Variants in RCAN3 observed in about 807,000 individuals in gnomAD.
RCAN3 encodes the protein regulator of calcineurin 3, also known as calcipressin-3.
RCAN3 carries 19 observed loss-of-function variants against 21.9 expected under a neutral mutation model. The ratio of observed to expected loss-of-function variants is 0.87; its 90% CI spans 0.61 to 1.27. RCAN3 has a LOEUF of 1.27. Among genes scored for constraint, RCAN3 ranks in the 50% most tolerant of loss-of-function variants. RCAN3 has a pLI of 0.00. For synonymous variants in RCAN3, 114 were observed against 112.3 expected, an observed-to-expected ratio of 1.01 and a Z score of -0.09; for missense variants, 240 against 300.1, an observed-to-expected ratio of 0.80 and a Z score of 1.48.
intron 2 of RCAN3, among the ~76,000 whole-genome samples, chr1:24,527,099 T>C (rs972616004): frequency 1.3e-5 from 2 of 152,196 alleles, no homozygotes; most frequent in Non-Finnish European, 2.9e-5. Context: ...TGGCGTCATT[T>C]TGGCTCACTG....
intron 3 of RCAN3, among the ~76,000 whole-genome samples, chr1:24,532,052 T>TTTCTTGCC (rs1649806968): frequency 6.6e-6 from 1 of 152,136 alleles, no homozygotes; most frequent in African/African-American, 2.4e-5. Context: ...AAAGGTTTGT[T>TTTCTTGCC]TTCTTGCCTT....
chr1:24,514,317 G>T lies in RCAN3; in HGVS notation c.-56G>T. 1 of 1,400,180 alleles carries T rather than the reference G, an allele frequency of 7.1e-7. No individual in the cohort carries two copies. The highest frequency in any genetic ancestry group is 9.5e-7 in the Non-Finnish European group (1 of 1,053,574). 86.7% of individuals were successfully genotyped at this position (1,400,180 alleles called of 1,614,324 possible). On this transcript the variant is annotated 5_prime_UTR_variant, in exon 2 of 5. Coordinates refer to ENST00000374395, the MANE Select transcript of RCAN3 (RefSeq NM_013441.4). ...GCATTTTCTTTTTTTTTAACAGTGG[G>T]TGCCTGATAGACATCCTAGGACTAT...
chr1:24,507,196 C>G (rs1309650149), intron 1 of RCAN3, among the ~76,000 whole-genome samples: 1 of 152,156 alleles, frequency 6.6e-6, no homozygotes, highest in African/African-American at 2.4e-5. Context: ...CCACCCCCAC[C>G]AAACACCTTG....
At position 24,536,553 on chromosome 1, in the gene RCAN3, C is replaced by T. The variant is rs1315273268; in HGVS notation, c.*1276C>T. ...TAGAAAAGTCTCATAACTGAGAAGG[C>T]TCTGTTTTGGGCCGGGTGGGTCTGC... On this transcript the variant is annotated 3_prime_UTR_variant, in exon 5 of 5. Transcript: ENST00000374395. 2.6e-5 allele frequency: 4 copies of T among 152,204 alleles called. No homozygotes were observed. Among genetic ancestry groups the T allele is most frequent in the Admixed American group, 1.3e-4 (2 of 15,274 alleles). The allele number at this position is 152,204 out of a possible 1,614,324, so 9.4% of individuals were successfully genotyped here.
rs1250410688 is a variant in RCAN3 at position 24,535,140 on chromosome 1, G to A, written c.589G>A (p.Val197Met). 2.5e-6 allele frequency: 4 copies of A among 1,597,646 alleles called. No homozygotes were observed. Among genetic ancestry groups the A allele is most frequent in the African/African-American group, 2.7e-5 (2 of 73,662 alleles). Residue 197 changes from valine to methionine, a missense_variant, in exon 5 of 5, where the codon GTG (valine) becomes ATG (methionine). Val to Met is a conservative substitution (Grantham distance 21). Transcript: ENST00000374395. ...GGGAACAGAGTCGACACCCAGCGTG[G>A]TGGTTCATGTCTGTGAAAGTGAAAC... is the stretch of plus-strand genomic sequence containing the variant. ...HAGTESTPSV[V>M]VHVCESETEE...
At position 24,539,916 on chromosome 1, in the gene RCAN3, A is replaced by G. The variant is rs965983616; in HGVS notation, c.*4639A>G. On this transcript the variant is annotated 3_prime_UTR_variant, in exon 5 of 5. Coordinates refer to ENST00000374395, the MANE Select transcript of RCAN3 (RefSeq NM_013441.4). ...TTATTTATAATTGGGGTGACAATAT[A>G]AAGGAACAAAAGATGGGGCAATAGT... 6 of 152,356 alleles carry G rather than the reference A, an allele frequency of 3.9e-5. No individual in the cohort carries two copies. The highest frequency in any genetic ancestry group is 3.3e-4 in the Admixed American group (5 of 15,304). 9.4% of individuals were successfully genotyped at this position (152,356 alleles called of 1,614,324 possible).
rs1024067305 is a variant in RCAN3, at chr1:24,503,079, G to A, written c.-131G>A. On this transcript the variant is annotated 5_prime_UTR_variant, in exon 1 of 5. Coordinates refer to ENST00000374395, the MANE Select transcript of RCAN3 (RefSeq NM_013441.4). Reference sequence around the variant, plus strand: ...GTCGGGCAGCCCGGGCCCGTCCGCTGCCCTCCCGGCTCCCGTCCTGCGGCG... The same window carrying A: ...GTCGGGCAGCCCGGGCCCGTCCGCTACCCTCCCGGCTCCCGTCCTGCGGCG... 4 of 149,010 alleles carry A rather than the reference G, an allele frequency of 2.7e-5. No homozygotes were observed. Among genetic ancestry groups the A allele is most frequent in the African/African-American group, 7.3e-5 (3 of 41,002 alleles). The allele number at this position is 149,010 out of a possible 1,614,324, so 9.2% of individuals were successfully genotyped here. A position where few individuals can be genotyped will look rare whatever the true frequency, so the allele number is the denominator to read the frequency against.
At chr1:24,511,793 G>T (rs1647907292) in intron 1 of RCAN3, among the ~76,000 whole-genome samples, 1 of 152,192 alleles carries the variant, frequency 6.6e-6, no homozygotes, top group African/African-American at 2.4e-5. Context: ...TGGAAAAAAT[G>T]CAGTGCAGTG....
rs1650264926 is a variant in RCAN3, at chr1:24,536,869, TC to T, written c.*1594del. On this transcript the variant is annotated 3_prime_UTR_variant, in exon 5 of 5. Coordinates refer to ENST00000374395, the MANE Select transcript of RCAN3 (RefSeq NM_013441.4). ...CAAATACCCTGAGGTGATAAACTGT[TC>T]CAGTTGTAGCCAACTACCACTGCTA... 6.6e-6 allele frequency: 1 copy of T among 152,178 alleles called. No individual in the cohort carries two copies. The highest frequency in any genetic ancestry group is 2.4e-5 in the African/African-American group (1 of 41,444). The allele number at this position is 152,178 out of a possible 1,614,324, so 9.4% of individuals were successfully genotyped here.
chr1:24,528,097 G>A (rs1272405034), intron 2 of RCAN3, among the ~76,000 whole-genome samples: 1 of 152,042 alleles, frequency 6.6e-6, no homozygotes, highest in East Asian at 1.9e-4. Flanking sequence ...TGAATTTTGA[G>A]AAAAAGGTTT....
At chr1:24,534,687 C>G (rs1650081153) in intron 4 of RCAN3, among the ~76,000 whole-genome samples, 1 of 151,928 alleles carries the variant, frequency 6.6e-6, no homozygotes, top group Non-Finnish European at 1.5e-5. Flanking sequence ...GTAGTCCCAA[C>G]TACTCGGGAG....
intron 1 of RCAN3, among the ~76,000 whole-genome samples, chr1:24,513,129 T>C (rs1440904885): frequency 3.3e-5 from 5 of 152,064 alleles, no homozygotes; most frequent in Non-Finnish European, 2.9e-5. Flanking sequence ...CCCAGCTACC[T>C]GGGAGGCTGA....
chr1:24,536,096 G>A lies in RCAN3; in HGVS notation c.*819G>A, dbSNP rs1650209698. 1 of 152,204 alleles carries A rather than the reference G, an allele frequency of 6.6e-6. No homozygotes were observed. The highest frequency in any genetic ancestry group is 2.4e-5 in the African/African-American group (1 of 41,436). The allele number at this position is 152,204 out of a possible 1,614,324, so 9.4% of individuals were successfully genotyped here. The stretch of plus-strand genomic sequence containing the variant: ...GCCGTTCGTGACCGTGTTCTAGCCT[G>A]TAGACCACCCAGCTACCTTCATTCA... On this transcript the variant is annotated 3_prime_UTR_variant, in exon 5 of 5. Coordinates refer to ENST00000374395, the MANE Select transcript of RCAN3 (RefSeq NM_013441.4).
chr1:24,526,504 G>A (rs196414), intron 2 of RCAN3, among the ~76,000 whole-genome samples: 47,853 of 151,866 alleles, frequency 0.32, 8,035 homozygotes, highest in East Asian at 0.66. Flanking sequence ...AAATTATCTT[G>A]AAGGGAAATG....
At chr1:24,533,004 G>T (rs899650535) in intron 3 of RCAN3, 79 bp from the exon 4 acceptor site, 4 of 667,620 alleles carry the variant, frequency 6.0e-6, no homozygotes, top group South Asian at 1.2e-4. Flanking sequence ...CAAAAAGATG[G>T]AACAGTCAAC....
chr1:24,520,617 G>A (rs963458037), intron 2 of RCAN3, among the ~76,000 whole-genome samples: 2 of 149,442 alleles, frequency 1.3e-5, no homozygotes, highest in Non-Finnish European at 1.5e-5. Context: ...TCACTCATAG[G>A]TGGGAATTGA....
intron 1 of RCAN3, among the ~76,000 whole-genome samples, chr1:24,512,060 A>C (rs1212110061): frequency 2.0e-5 from 3 of 152,130 alleles, no homozygotes; most frequent in Non-Finnish European, 2.9e-5. Context: ...TTTGCTGAGG[A>C]AGAGGAACAA....
chr1:24,521,762 C>T (rs773860520), intron 2 of RCAN3, among the ~76,000 whole-genome samples: 3 of 152,042 alleles, frequency 2.0e-5, no homozygotes, highest in South Asian at 2.1e-4. Flanking sequence ...GCAGGAGAAT[C>T]GCTTGAACCT....
Position 24,535,167 on chromosome 1 carries a change from G to C in RCAN3, c.616G>C (p.Glu206Gln), listed in dbSNP as rs375204010. 6.3e-7 allele frequency: 1 copy of C among 1,594,962 alleles called. No homozygotes were observed. The highest frequency in any genetic ancestry group is 8.5e-7 in the Non-Finnish European group (1 of 1,173,544). The change falls in exon 5 of 5, where the codon GAA (glutamate) becomes CAA (glutamine). Residue 206 changes from glutamate (E) to glutamine (Q), a missense_variant. Coordinates refer to ENST00000374395, the MANE Select transcript of RCAN3 (RefSeq NM_013441.4). ...GGTTCATGTCTGTGAAAGTGAAACT[G>C]AAGAGGAAGAAGAGACAAAAAACCC... ...VVVHVCESET[E>Q]EEEETKNPKQ...
Sources: allele counts gnomAD v4.1 joint callset (sites outside exome capture counted in the v4.1 genomes callset), GRCh38; gene constraint gnomAD v4.1.1; transcripts MANE v1.5; gene names NCBI Gene and HGNC (gene_info 2026-07-23, HGNC 2026-07-21).